The following NOTCH2 variants were observed in gnomAD, a reference collection of about 807,000 sequenced individuals.
NOTCH2 encodes the protein notch receptor 2.
In NOTCH2, 29 loss-of-function variants were observed where a neutral mutation model predicts 235.8. The ratio of observed to expected loss-of-function variants is 0.12; its 90% confidence interval spans 0.09 to 0.17. The LOEUF (loss-of-function observed/expected upper bound fraction) is 0.17. Among genes scored for constraint, NOTCH2 ranks in the 10% least tolerant of loss-of-function variants. The pLI, the probability that NOTCH2 is intolerant of heterozygous loss-of-function variation, is 1.00. For missense variants in NOTCH2, 2,285 were observed against 3,150.2 expected, an observed-to-expected ratio of 0.73 and a Z score of 6.57; for synonymous variants, 1,086 against 1,141.5, an observed-to-expected ratio of 0.95 and a Z score of 0.98.
Position 119,950,556 on chromosome 1 carries a change from A to G in NOTCH2, c.2479+168T>C, listed in dbSNP as rs782461122. ...ACCACTTGCATCTTAGGAGGCCACAATGTTTCCTCAAAGCTCAAGATCCAG... is the reference window on the plus strand; with the variant it reads ...ACCACTTGCATCTTAGGAGGCCACAGTGTTTCCTCAAAGCTCAAGATCCAG... On this transcript the variant is annotated intron_variant, in intron 15 of 33. Transcript: ENST00000256646. The G allele has an allele frequency of 4.4e-5, 31 of 706,808 alleles. No homozygotes were observed. In the African/African-American group the frequency reaches 5.2e-4, roughly 12 times the overall value. 43.8% of individuals were successfully genotyped at this position (706,808 alleles called of 1,614,324 possible).
chr1:119,988,331 C>G (rs782076146), intron 4 of NOTCH2, among the ~76,000 whole-genome samples: 1 of 152,032 alleles, frequency 6.6e-6, no homozygotes, highest in Non-Finnish European at 1.5e-5. Context: ...AAAACATTAG[C>G]CAAAAATCAC....
chr1:119,942,802 T>G (rs1275196799), intron 17 of NOTCH2, among the ~76,000 whole-genome samples: 2 of 152,150 alleles, frequency 1.3e-5, no homozygotes, highest in African/African-American at 4.8e-5. Flanking sequence ...TCCCTAAAGT[T>G]CTCCATCAAT....
At chr1:119,969,185 G>C (rs1651267355) in intron 6 of NOTCH2, among the ~76,000 whole-genome samples, 1 of 152,284 alleles carries the variant, frequency 6.6e-6, no homozygotes, top group African/African-American at 2.4e-5. Flanking sequence ...CCATTTATTA[G>C]CCATTTTATC....
At chr1:119,920,523 C>G in intron 29 of NOTCH2, 126 bp from the exon 30 acceptor site, 1 of 1,052,902 alleles carries the variant, frequency 9.5e-7, no homozygotes, top group South Asian at 1.3e-5. Flanking sequence ...ACTCCTCCAC[C>G]CCTCCAGAGG....
intron 8 of NOTCH2, among the ~76,000 whole-genome samples, chr1:119,967,101 G>A (rs1553199758): frequency 1.3e-5 from 2 of 152,078 alleles, no homozygotes; most frequent in Non-Finnish European, 2.9e-5. Context: ...GGAATGGTAT[G>A]GTATTTGTAA....
intron 1 of NOTCH2, among the ~76,000 whole-genome samples, chr1:120,033,873 C>A (rs1257212425): frequency 6.6e-6 from 1 of 151,976 alleles, no homozygotes; most frequent in South Asian, 2.1e-4. Flanking sequence ...ATTATAACAT[C>A]ACTTTGTACC....
chr1:119,966,849 G>A (rs1167115482), intron 8 of NOTCH2, among the ~76,000 whole-genome samples: 2 of 152,236 alleles, frequency 1.3e-5, no homozygotes, highest in East Asian at 3.9e-4. Flanking sequence ...AGCTGGAGCT[G>A]TTGTTGCCTT....
intron 2 of NOTCH2, among the ~76,000 whole-genome samples, chr1:120,011,148 G>C (rs1228762395): frequency 1.3e-5 from 2 of 152,112 alleles, no homozygotes; most frequent in African/African-American, 4.8e-5. Flanking sequence ...AAGCAGTAGA[G>C]AATTTCTTTC....
At chr1:120,040,800 G>A (rs1654513428) in intron 1 of NOTCH2, among the ~76,000 whole-genome samples, 1 of 149,924 alleles carries the variant, frequency 6.7e-6, no homozygotes, top group Non-Finnish European at 1.5e-5. Flanking sequence ...CACTTTGGGA[G>A]GCCGAGGTGG....
rs2101156189 is a variant in NOTCH2 at position 119,922,701 on chromosome 1, G to A, written c.4937C>T (p.Ala1646Val). The change falls in exon 27 of 34, where the codon GCA becomes GTA. Residue 1646 changes from alanine (A) to valine (V), a missense_variant. Ala to Val is a moderately conservative substitution (Grantham distance 64, BLOSUM62 0). Transcript: ENST00000256646. ...GGCGTGAGAGGCCAGGAGAGCTGCT[G>A]CTGCATCCGTGTTCTTGAAGCAGTG... is the stretch of plus-strand genomic sequence containing the variant. ...SDHCFKNTDA[A>V]AALLASHAIQ... 1 of 1,614,210 alleles carries A rather than the reference G, an allele frequency of 6.2e-7. No homozygotes were observed. Among genetic ancestry groups the A allele is most frequent in the Non-Finnish European group, 8.5e-7 (1 of 1,180,038 alleles).
At chr1:120,037,707 A>T (rs1210735300) in intron 1 of NOTCH2, among the ~76,000 whole-genome samples, 1 of 151,838 alleles carries the variant, frequency 6.6e-6, no homozygotes, top group Non-Finnish European at 1.5e-5. Flanking sequence ...ATAAGAGATA[A>T]ATCGATTTTG....
At chr1:119,939,836 T>C (rs988410503) in intron 19 of NOTCH2, among the ~76,000 whole-genome samples, 18 of 152,214 alleles carry the variant, frequency 1.2e-4, no homozygotes, top group Admixed American at 1.2e-3. Context: ...ACATGTCTAA[T>C]ATAGCCTAAG....
intron 1 of NOTCH2, among the ~76,000 whole-genome samples, chr1:120,034,374 G>A: frequency 3.6e-5 from 4 of 110,984 alleles, no homozygotes; most frequent in South Asian, 3.2e-4. Flanking sequence ...AGAAGTAGTA[G>A]ATTTCAATCT....
At chr1:120,067,288 C>T (rs1313362988) in intron 1 of NOTCH2, among the ~76,000 whole-genome samples, 1 of 145,988 alleles carries the variant, frequency 6.8e-6, no homozygotes. Flanking sequence ...CTAAAGAACA[C>T]CTGTCTAAAA....
chr1:119,948,019 G>A (rs903869623), intron 17 of NOTCH2, among the ~76,000 whole-genome samples: 6 of 152,198 alleles, frequency 3.9e-5, no homozygotes, highest in South Asian at 2.1e-4. Context: ...GATGAAGATA[G>A]TTTTAGGGTG....
intron 5 of NOTCH2, among the ~76,000 whole-genome samples, chr1:119,973,191 G>A (rs1651433863): frequency 6.6e-6 from 1 of 152,122 alleles, no homozygotes; most frequent in African/African-American, 2.4e-5. Context: ...TAAGGTTCAG[G>A]CACATTTCTA....
intron 5 of NOTCH2, among the ~76,000 whole-genome samples, chr1:119,974,158 C>T (rs1553200656): frequency 6.6e-6 from 1 of 152,182 alleles, no homozygotes; most frequent in African/African-American, 2.4e-5. Context: ...CCATGTCCTA[C>T]CAAGCTACTA....
chr1:119,913,317 A>G lies in NOTCH2; in HGVS notation c.*1989T>C. Reference sequence around the variant, plus strand: ...GGACTGAAAAAACCATTTGTAAACTATTATGCCAACAGACACGCAGGGTTT... The same window carrying G: ...GGACTGAAAAAACCATTTGTAAACTGTTATGCCAACAGACACGCAGGGTTT... On this transcript the variant is annotated 3_prime_UTR_variant, in exon 34 of 34. Transcript: ENST00000256646. 8.6e-6 allele frequency: 2 copies of G among 233,312 alleles called. No homozygotes were observed. Among genetic ancestry groups the G allele is most frequent in the Non-Finnish European group, 1.7e-5 (2 of 118,068 alleles). The allele number at this position is 233,312 out of a possible 1,614,324, so 14.5% of individuals were successfully genotyped here.
intron 1 of NOTCH2, among the ~76,000 whole-genome samples, chr1:120,043,247 C>T (rs1654654411): frequency 6.7e-6 from 1 of 148,766 alleles, no homozygotes; most frequent in East Asian, 1.9e-4. Flanking sequence ...CCAAACAAAT[C>T]AGAAAGTCAG....
Sources: allele counts gnomAD v4.1 joint callset (sites outside exome capture counted in the v4.1 genomes callset), GRCh38; gene constraint gnomAD v4.1.1; transcripts MANE v1.5; gene names NCBI Gene and HGNC (gene_info 2026-07-23, HGNC 2026-07-21).